Variants in AUTS2 observed in about 807,000 individuals in gnomAD.
The protein encoded by AUTS2 is autism susceptibility gene 2 protein.
Under a neutral mutation model 112.4 loss-of-function variants are expected in AUTS2, and 17 were observed. The ratio of observed to expected loss-of-function variants is 0.15; its 90% CI spans 0.10 to 0.23. The LOEUF (loss-of-function observed/expected upper bound fraction) is 0.23. AUTS2 is among the 10% of genes least tolerant of loss of function. AUTS2 has a pLI of 1.00. For synonymous variants in AUTS2, 751 were observed against 702.7 expected, an observed-to-expected ratio of 1.07 and a Z score of -1.09; for missense variants, 1,510 against 1,701.6, an observed-to-expected ratio of 0.89 and a Z score of 1.98.
At chr7:70,147,102 G>A in intron 4 of AUTS2, among the ~76,000 whole-genome samples, 1 of 151,948 alleles carries the variant, frequency 6.6e-6, no homozygotes, top group Non-Finnish European at 1.5e-5. Context: ...CATGCTTATA[G>A]TCCCAGCTGC....
chr7:70,037,969 G>T (rs1199856682), intron 2 of AUTS2, among the ~76,000 whole-genome samples: 1 of 108,994 alleles, frequency 9.2e-6, no homozygotes, highest in Non-Finnish European at 1.7e-5. Flanking sequence ...CCCGCCCCCC[G>T]CCCTTTCCAC....
At chr7:69,900,209 T>C (rs1242426845) in intron 2 of AUTS2, among the ~76,000 whole-genome samples, 2 of 152,232 alleles carry the variant, frequency 1.3e-5, no homozygotes, top group South Asian at 4.1e-4. Flanking sequence ...TGAAGCTGTT[T>C]ATAGCAGTTT....
At chr7:69,754,988 A>C (rs1787889401) in intron 1 of AUTS2, among the ~76,000 whole-genome samples, 1 of 152,204 alleles carries the variant, frequency 6.6e-6, no homozygotes, top group Admixed American at 6.5e-5. Context: ...TAACTTTGTA[A>C]GGACTAGTCT....
intron 5 of AUTS2, among the ~76,000 whole-genome samples, chr7:70,467,326 C>T (rs1382215638): frequency 6.6e-6 from 1 of 152,192 alleles, no homozygotes; most frequent in Non-Finnish European, 1.5e-5. Context: ...TTAAAAAGCA[C>T]CCTCCACAAG....
At chr7:70,712,440 A>G (rs1275850144) in intron 6 of AUTS2, among the ~76,000 whole-genome samples, 3 of 151,978 alleles carry the variant, frequency 2.0e-5, no homozygotes, top group Admixed American at 6.6e-5. Context: ...GCTGATAAGG[A>G]ACTCACCATG....
intron 5 of AUTS2, among the ~76,000 whole-genome samples, chr7:70,597,464 T>A (rs2129529386): frequency 6.6e-6 from 1 of 152,352 alleles, no homozygotes; most frequent in African/African-American, 2.4e-5. Context: ...GCTGTTGAGC[T>A]GTAAATGTTG....
chr7:70,086,595 C>T (rs914438316), intron 2 of AUTS2, among the ~76,000 whole-genome samples: 13 of 146,442 alleles, frequency 8.9e-5, no homozygotes, highest in South Asian at 2.1e-4. Flanking sequence ...GAGCTGAGAT[C>T]GCGCCACTGG....
Position 70,766,110 on chromosome 7 carries a change from C to T in AUTS2, c.1469-4C>T. The T allele has an allele frequency of 6.2e-7, 1 of 1,611,448 alleles. No homozygotes were observed. The highest frequency in any genetic ancestry group is 1.7e-5 in the Admixed American group (1 of 59,970). On this transcript the variant is annotated splice_polypyrimidine_tract_variant and splice_region_variant and intron_variant, in intron 8 of 18. Transcript: ENST00000342771. This position sits in a 1 kb window ranked among gnomAD's most constrained non-coding sequence, Gnocchi z 4.8. ...GTCATCGTCTCCCTCTTCTTCTCTT[C>T]CAGAGCAAGACATCTTGCGACAGGA...
At chr7:69,862,718 C>T (rs1793044752) in intron 1 of AUTS2, among the ~76,000 whole-genome samples, 2 of 152,074 alleles carry the variant, frequency 1.3e-5, no homozygotes, top group Admixed American at 1.3e-4. Context: ...GCTGGTAGAT[C>T]TGGGCCATTG....
At chr7:70,088,337 C>T (rs1457276038) in intron 2 of AUTS2, among the ~76,000 whole-genome samples, 3 of 152,010 alleles carry the variant, frequency 2.0e-5, no homozygotes, top group Non-Finnish European at 2.9e-5. Flanking sequence ...CCATGTTAGC[C>T]AGGATCGTCT....
intron 5 of AUTS2, among the ~76,000 whole-genome samples, chr7:70,667,717 A>T (rs190640556): frequency 1.3e-5 from 2 of 152,332 alleles, no homozygotes; most frequent in Admixed American, 1.3e-4. Context: ...TTTGTAAATG[A>T]GGACACCTGT....
At chr7:70,003,305 A>G (rs1584557036) in intron 2 of AUTS2, among the ~76,000 whole-genome samples, 1 of 132,016 alleles carries the variant, frequency 7.6e-6, no homozygotes, top group Non-Finnish European at 1.5e-5. Flanking sequence ...TGAATATATT[A>G]TATATGAATA....
chr7:69,621,180 T>C (rs186253858), intron 1 of AUTS2, among the ~76,000 whole-genome samples: 2 of 152,316 alleles, frequency 1.3e-5, no homozygotes, highest in East Asian at 3.9e-4. Flanking sequence ...GCCGTTTTGA[T>C]TCCTGTTTTA....
chr7:69,821,000 T>C (rs1383025805), intron 1 of AUTS2, among the ~76,000 whole-genome samples: 1 of 152,178 alleles, frequency 6.6e-6, no homozygotes, highest in African/African-American at 2.4e-5. Context: ...AAAGGCTTTA[T>C]AACGTGAGAT....
At chr7:69,779,587 C>T (rs1410446063) in intron 1 of AUTS2, among the ~76,000 whole-genome samples, 1 of 151,704 alleles carries the variant, frequency 6.6e-6, no homozygotes, top group African/African-American at 2.4e-5. Flanking sequence ...TGTGGTGAAA[C>T]CTTGTCTCAA....
intron 5 of AUTS2, among the ~76,000 whole-genome samples, chr7:70,544,082 G>A (rs1054305671): frequency 3.3e-5 from 5 of 152,110 alleles, no homozygotes; most frequent in Non-Finnish European, 7.4e-5. Context: ...GTATTTAAAC[G>A]GTTTCTCCAA....
At chr7:70,485,993 T>A (rs1370503463) in intron 5 of AUTS2, among the ~76,000 whole-genome samples, 5 of 143,862 alleles carry the variant, frequency 3.5e-5, no homozygotes, top group African/African-American at 1.0e-4. Flanking sequence ...AATTAAAAAA[T>A]AAATAAATAA....
intron 2 of AUTS2, among the ~76,000 whole-genome samples, chr7:69,991,283 G>C (rs1798732463): frequency 6.6e-6 from 1 of 152,202 alleles, no homozygotes; most frequent in Non-Finnish European, 1.5e-5. Flanking sequence ...GTGATGCAGT[G>C]TAGGAAAGCA....
chr7:69,982,609 A>G (rs1798342250), intron 2 of AUTS2, among the ~76,000 whole-genome samples: 1 of 152,224 alleles, frequency 6.6e-6, no homozygotes, highest in African/African-American at 2.4e-5. Context: ...GAAGAAAACT[A>G]CATGAGTGCG....
Sources: allele counts gnomAD v4.1 joint callset (sites outside exome capture counted in the v4.1 genomes callset), GRCh38; gene constraint gnomAD v4.1.1; non-coding constraint Gnocchi (gnomAD v3.1); transcripts MANE v1.5; gene names NCBI Gene and HGNC (gene_info 2026-07-23, HGNC 2026-07-21).